The following PARD6G variants were observed in gnomAD, a reference collection of about 807,000 sequenced individuals.
PARD6G encodes partitioning defective 6 homolog gamma.
In PARD6G, 7 loss-of-function variants were observed where a neutral mutation model predicts 10.7. That is an observed-to-expected ratio of 0.66 (90% CI 0.37 to 1.23). The LOEUF is 1.23. PARD6G is among the 50% of genes most tolerant of loss of function. The pLI, the probability that PARD6G is intolerant of heterozygous loss-of-function variation, is 0.02. For synonymous variants in PARD6G, 287 were observed against 269.4 expected (o/e 1.07, Z -0.64); for missense variants, 548 against 571.8 (o/e 0.96, Z 0.42).
intron 2 of PARD6G, among the ~76,000 whole-genome samples, chr18:80,168,318 C>T (rs566700784): frequency 6.6e-6 from 1 of 152,260 alleles, no homozygotes; most frequent in Non-Finnish European, 1.5e-5. Context: ...TGAACCCTTG[C>T]ATATGGACTT....
chr18:80,219,773 G>A (rs1036464705), intron 1 of PARD6G, among the ~76,000 whole-genome samples: 3 of 152,094 alleles, frequency 2.0e-5, no homozygotes, highest in African/African-American at 7.2e-5. Flanking sequence ...ATCACTATCA[G>A]CATTTTGGTT....
At chr18:80,168,573 T>TTGTGTGTGTG (rs3051500) in intron 2 of PARD6G, among the ~76,000 whole-genome samples, 158 of 144,424 alleles carry the variant, frequency 1.1e-3, no homozygotes, top group African/African-American at 3.1e-3. Context: ...CAAATTATGT[T>TTGTGTGTGTG]TGTGTGTGTG....
rs529210234 is a variant in PARD6G at position 80,174,927 on chromosome 18, C to T, written c.296-14321G>A. On this transcript the variant is annotated intron_variant, in intron 2 of 2. Transcript: ENST00000353265. Reference sequence around the variant, plus strand: ...TTGTACCACTGCACTCCAGCCTGGGCGACAGAGCCAGACTCCATCTCAAAA... The same window carrying T: ...TTGTACCACTGCACTCCAGCCTGGGTGACAGAGCCAGACTCCATCTCAAAA... 2.9e-3 allele frequency among the ~76,000 whole-genome samples: 441 copies of T among 151,728 alleles called. 2 individuals are homozygous for T. Among genetic ancestry groups the T allele is most frequent in the Non-Finnish European group, 3.7e-3 (250 of 67,924 alleles).
Position 80,161,481 on chromosome 18 carries a change from G to A in PARD6G, c.296-875C>T, listed in dbSNP as rs767806272. On this transcript the variant is annotated intron_variant, in intron 2 of 2. Transcript: ENST00000353265. This position sits in a 1 kb window ranked among gnomAD's most constrained non-coding sequence, Gnocchi z 4.6. ...TCCACTGAATTAATCAAGCAGAAAC[G>A]TAAGGAGCTTAGTCTAAAGTAAAAA... Among the ~76,000 whole-genome samples, 4 of 152,086 alleles carry A rather than the reference G, an allele frequency of 2.6e-5. No homozygotes were observed. The highest frequency in any genetic ancestry group is 9.7e-5 in the African/African-American group (4 of 41,406).
chr18:80,179,385 C>A (rs909640317), intron 2 of PARD6G, among the ~76,000 whole-genome samples: 6 of 152,224 alleles, frequency 3.9e-5, no homozygotes, highest in African/African-American at 1.4e-4. Flanking sequence ...CCCTAGACTG[C>A]AGCAACATGC....
At chr18:80,242,133 C>T (rs1325919477) in intron 1 of PARD6G, among the ~76,000 whole-genome samples, 2 of 152,180 alleles carry the variant, frequency 1.3e-5, no homozygotes, top group Non-Finnish European at 2.9e-5. Flanking sequence ...CCTCCAGGGG[C>T]AGTGACGCCA....
intron 1 of PARD6G, among the ~76,000 whole-genome samples, chr18:80,223,767 ACT>A (rs1375857578): frequency 2.6e-5 from 4 of 152,132 alleles, no homozygotes; most frequent in Non-Finnish European, 5.9e-5. Context: ...CTCAGTGGAG[ACT>A]CTGCTTTTGC....
intron 2 of PARD6G, among the ~76,000 whole-genome samples, chr18:80,172,025 T>A (rs935417529): frequency 6.6e-6 from 1 of 152,256 alleles, no homozygotes; most frequent in Non-Finnish European, 1.5e-5. Context: ...CAAGTTTTTG[T>A]GTGGACACGT....
At position 80,183,292 on chromosome 18, in the gene PARD6G, G is replaced by A. The variant is rs2052857043; in HGVS notation, c.295+19418C>T. 4 of 647,990 alleles carry A rather than the reference G, an allele frequency of 6.2e-6. No individual in the cohort carries two copies. The East Asian group carries it at 8.3e-5, about 13-fold the overall frequency. 40.1% of individuals were successfully genotyped at this position (647,990 alleles called of 1,614,324 possible). A position where few individuals can be genotyped will look rare whatever the true frequency, so the allele number is the denominator to read the frequency against. On this transcript the variant is annotated intron_variant, in intron 2 of 2. Coordinates refer to ENST00000353265, the MANE Select transcript of PARD6G (RefSeq NM_032510.4). This position sits in a 1 kb window ranked among gnomAD's most constrained non-coding sequence, Gnocchi z 4.5. The stretch of plus-strand genomic sequence containing the variant: ...GCATACAGGCATAGTGGAAAAGTAC[G>A]CTGACCTTCTCAGTGGCTCTAAAAC...
At chr18:80,166,692 C>T (rs1389351224) in intron 2 of PARD6G, among the ~76,000 whole-genome samples, 1 of 151,502 alleles carries the variant, frequency 6.6e-6, no homozygotes, top group Non-Finnish European at 1.5e-5. Flanking sequence ...ATCCTCAGAG[C>T]ACGAGACAGT....
At position 80,210,832 on chromosome 18, in the gene PARD6G, C is replaced by T. The variant is rs551682408; in HGVS notation, c.73-7900G>A. The stretch of plus-strand genomic sequence containing the variant: ...ACAACGAGTTACTTGCCTAAAACCA[C>T]GGAAAGTGGGGATATTTTCAAAGCA... On this transcript the variant is annotated intron_variant, in intron 1 of 2. Coordinates refer to ENST00000353265, the MANE Select transcript of PARD6G (RefSeq NM_032510.4). 6.6e-5 allele frequency among the ~76,000 whole-genome samples: 10 copies of T among 152,256 alleles called. No homozygotes were observed. The East Asian group carries it at 1.2e-3, about 18-fold the overall frequency.
At chr18:80,213,025 G>C (rs1967124696) in intron 1 of PARD6G, among the ~76,000 whole-genome samples, 1 of 152,106 alleles carries the variant, frequency 6.6e-6, no homozygotes, top group African/African-American at 2.4e-5. Context: ...TATGTTGCAG[G>C]AACTTAACTC....
At chr18:80,229,063 C>T (rs577476138) in intron 1 of PARD6G, among the ~76,000 whole-genome samples, 4 of 152,164 alleles carry the variant, frequency 2.6e-5, no homozygotes, top group South Asian at 4.2e-4. Context: ...CTCAGCCTCC[C>T]GAGTAGCTGG....
intron 1 of PARD6G, among the ~76,000 whole-genome samples, chr18:80,230,663 C>T (rs982481421): frequency 6.6e-6 from 1 of 152,164 alleles, no homozygotes; most frequent in Non-Finnish European, 1.5e-5. Flanking sequence ...AGAGGGCCTG[C>T]CATTCTGGTT....
chr18:80,194,360 A>C (rs1327790902), intron 2 of PARD6G, among the ~76,000 whole-genome samples: 1 of 152,144 alleles, frequency 6.6e-6, no homozygotes, highest in Non-Finnish European at 1.5e-5. Flanking sequence ...ACATGAACTA[A>C]ATTTCAAACT....
chr18:80,171,523 AT>A (rs1229279594), intron 2 of PARD6G: 1 of 152,266 alleles, frequency 6.6e-6, no homozygotes, highest in Non-Finnish European at 1.5e-5. Context: ...AAAATTAACC[AT>A]TTTAAAGTGT....
chr18:80,165,898 A>G (rs900225176), intron 2 of PARD6G, among the ~76,000 whole-genome samples: 1 of 152,188 alleles, frequency 6.6e-6, no homozygotes, highest in East Asian at 1.9e-4. Flanking sequence ...CCTGACCAAC[A>G]TGGTGAAACC....
chr18:80,164,528 G>A (rs1481163493), intron 2 of PARD6G, among the ~76,000 whole-genome samples: 1 of 152,204 alleles, frequency 6.6e-6, no homozygotes, highest in Non-Finnish European at 1.5e-5. Context: ...AAACTGGGGG[G>A]TCCTGGGCCT....
At chr18:80,177,054 T>C (rs541111819) in intron 2 of PARD6G, among the ~76,000 whole-genome samples, 11 of 102,650 alleles carry the variant, frequency 1.1e-4, no homozygotes, top group African/African-American at 4.2e-4. Context: ...CACACCACAG[T>C]ATAAATCACA....
Sources: gnomAD v4.1 joint callset for allele counts (sites outside exome capture counted in the v4.1 genomes callset) on GRCh38, gnomAD v4.1.1 for gene constraint, Gnocchi (gnomAD v3.1) non-coding constraint, MANE v1.5 for transcripts, NCBI Gene and HGNC (gene_info 2026-07-23, HGNC 2026-07-21) for gene names.